The following DOCK2 variants were observed in gnomAD, a reference collection of about 807,000 sequenced individuals.
The protein encoded by DOCK2 is dedicator of cytokinesis protein 2.
In DOCK2, 87 loss-of-function variants were observed where a neutral mutation model predicts 248.9. The ratio of observed to expected loss-of-function variants is 0.35; its 90% confidence interval spans 0.29 to 0.42. The LOEUF (loss-of-function observed/expected upper bound fraction) is 0.42. Ranked by LOEUF, DOCK2 falls within the 10% of genes least tolerant of loss-of-function variation. The probability of loss-of-function intolerance (pLI) is 1.00; values close to 1 mark genes in which losing one functional copy is unlikely to be tolerated. For synonymous variants in DOCK2, 805 were observed against 821.6 expected, an observed-to-expected ratio of 0.98 and a Z score of 0.35; for missense variants, 1,747 against 2,300.2, an observed-to-expected ratio of 0.76 and a Z score of 4.92.
intron 27 of DOCK2, among the ~76,000 whole-genome samples, chr5:169,887,795 T>A (rs1773056554): frequency 6.6e-6 from 1 of 152,230 alleles, no homozygotes; most frequent in South Asian, 2.1e-4. Context: ...TCGTTGATAC[T>A]ACCATGTTAC....
At chr5:169,762,758 C>G (rs1045739672) in intron 25 of DOCK2, among the ~76,000 whole-genome samples, 6 of 152,142 alleles carry the variant, frequency 3.9e-5, no homozygotes, top group Non-Finnish European at 7.4e-5. Flanking sequence ...TTTCTCTATC[C>G]ACACTGGTGT....
intron 27 of DOCK2, 85 bp from the exon 28 acceptor site, chr5:169,982,983 G>A (rs1777980415): frequency 1.5e-6 from 2 of 1,299,418 alleles, no homozygotes; most frequent in South Asian, 1.2e-5. Context: ...ATTGATGAAT[G>A]AGCCATAAGG....
chr5:170,012,731 C>T lies in DOCK2; in HGVS notation c.3232+3985C>T, dbSNP rs145208070. 3.4e-4 allele frequency among the ~76,000 whole-genome samples: 52 copies of T among 152,268 alleles called. No individual in the cohort carries two copies. The East Asian group carries it at 8.9e-3, about 26-fold the overall frequency. On this transcript the variant is annotated intron_variant, in intron 32 of 51. Coordinates refer to ENST00000520908, the MANE Select transcript of DOCK2 (RefSeq NM_004946.3). Reference sequence around the variant, plus strand: ...TTTACTTTTCCCAGTAGTATAGCATCGTAACACTTGATTTCTGCTCGGCAT... The same window carrying T: ...TTTACTTTTCCCAGTAGTATAGCATTGTAACACTTGATTTCTGCTCGGCAT...
intron 36 of DOCK2, among the ~76,000 whole-genome samples, chr5:170,038,394 G>A (rs368125444): frequency 2.0e-5 from 3 of 152,302 alleles, no homozygotes; most frequent in South Asian, 2.1e-4. Context: ...TGCAAACAGG[G>A]TATAGTCTGA....
At chr5:169,870,607 T>A (rs1771898209) in intron 27 of DOCK2, among the ~76,000 whole-genome samples, 2 of 152,060 alleles carry the variant, frequency 1.3e-5, no homozygotes, top group Non-Finnish European at 2.9e-5. Context: ...TTTTTAAAAT[T>A]TTATTATTAT....
chr5:169,747,376 C>G lies in DOCK2; in HGVS notation c.2268-20C>G, dbSNP rs377297612. On this transcript the variant is annotated intron_variant, in intron 22 of 51. Transcript: ENST00000520908. ...ATTGTCTGTTAGCTTGAGAAATGAC[C>G]CAGATGTATCTTGTTTCAGGCTTTA... 6.3e-7 allele frequency: 1 copy of G among 1,598,776 alleles called. No homozygotes were observed. Among genetic ancestry groups the G allele is most frequent in the Non-Finnish European group, 8.5e-7 (1 of 1,171,604 alleles).
chr5:169,859,688 C>T (rs1387021936), intron 27 of DOCK2, among the ~76,000 whole-genome samples: 1 of 152,216 alleles, frequency 6.6e-6, no homozygotes, highest in African/African-American at 2.4e-5. Context: ...ACATTCCACC[C>T]ACCAACCACA....
intron 2 of DOCK2, among the ~76,000 whole-genome samples, chr5:169,664,234 G>T (rs1048208049): frequency 1.3e-5 from 2 of 152,180 alleles, no homozygotes; most frequent in African/African-American, 4.8e-5. Context: ...CTTTGCTCCA[G>T]TTCCTAAGAA....
chr5:169,808,588 C>CT (rs1483285900), intron 26 of DOCK2, among the ~76,000 whole-genome samples: 1 of 138,188 alleles, frequency 7.2e-6, no homozygotes, highest in Non-Finnish European at 1.6e-5. Flanking sequence ...AACTCCTTTT[C>CT]TCCCCCCTCA....
chr5:170,038,670 A>T (rs1756404100), intron 36 of DOCK2, among the ~76,000 whole-genome samples: 1 of 152,128 alleles, frequency 6.6e-6, no homozygotes, highest in Non-Finnish European at 1.5e-5. Context: ...ACCTCGCTCA[A>T]GCACCTGCCA....
At chr5:170,009,359 T>C (rs1357041686) in intron 32 of DOCK2, among the ~76,000 whole-genome samples, 2 of 152,154 alleles carry the variant, frequency 1.3e-5, no homozygotes, top group Non-Finnish European at 2.9e-5. Flanking sequence ...AAGACGGAAT[T>C]GTTCCCCCAT....
intron 1 of DOCK2, among the ~76,000 whole-genome samples, chr5:169,640,873 A>G (rs1757107264): frequency 6.6e-6 from 1 of 152,236 alleles, no homozygotes; most frequent in South Asian, 2.1e-4. Flanking sequence ...TGGAAGTGGC[A>G]TATTTTGATC....
intron 25 of DOCK2, among the ~76,000 whole-genome samples, chr5:169,784,745 G>A (rs1469486111): frequency 6.6e-6 from 1 of 152,164 alleles, no homozygotes; most frequent in Non-Finnish European, 1.5e-5. Context: ...TGTATTGATT[G>A]TTATGATATC....
At chr5:169,644,756 G>A (rs926794376) in intron 1 of DOCK2, among the ~76,000 whole-genome samples, 1 of 151,744 alleles carries the variant, frequency 6.6e-6, no homozygotes, top group Non-Finnish European at 1.5e-5. Context: ...AGCCCCATAT[G>A]CATTAGCTAT....
intron 17 of DOCK2, among the ~76,000 whole-genome samples, chr5:169,713,704 C>A (rs1340266345): frequency 1.3e-5 from 2 of 152,112 alleles, no homozygotes; most frequent in Non-Finnish European, 2.9e-5. Flanking sequence ...TGCTGGTGAG[C>A]AGATATTATG....
intron 25 of DOCK2, among the ~76,000 whole-genome samples, chr5:169,791,452 C>T (rs1766332571): frequency 6.6e-6 from 1 of 152,006 alleles, no homozygotes; most frequent in Admixed American, 6.6e-5. Flanking sequence ...CTTTTCAGTC[C>T]CCTGGGACTG....
rs1166903657 is a variant in DOCK2, at chr5:169,723,733, T to A, written c.2267+4942T>A. 3.9e-5 allele frequency among the ~76,000 whole-genome samples: 6 copies of A among 152,304 alleles called. No individual in the cohort carries two copies. The South Asian group carries it at 1.2e-3, about 32-fold the overall frequency. On this transcript the variant is annotated intron_variant, in intron 22 of 51. Coordinates refer to ENST00000520908, the MANE Select transcript of DOCK2 (RefSeq NM_004946.3). ...TCTCTTTCACTACCCTATTTAAAATTGCAACCCCTGTCCCGAGCACTGCTG... is the reference window on the plus strand; with the variant it reads ...TCTCTTTCACTACCCTATTTAAAATAGCAACCCCTGTCCCGAGCACTGCTG...
At chr5:169,907,424 T>C (rs923992444) in intron 27 of DOCK2, among the ~76,000 whole-genome samples, 5 of 152,236 alleles carry the variant, frequency 3.3e-5, no homozygotes, top group African/African-American at 1.2e-4. Flanking sequence ...AAGTGGCTGA[T>C]AATTGGGCTC....
chr5:169,936,951 G>A (rs1192008708), intron 27 of DOCK2, among the ~76,000 whole-genome samples: 1 of 152,116 alleles, frequency 6.6e-6, no homozygotes, highest in Admixed American at 6.5e-5. Flanking sequence ...CTCAATCCCA[G>A]ACTGGGTTTC....
Sources: allele counts gnomAD v4.1 joint callset (sites outside exome capture counted in the v4.1 genomes callset), GRCh38; gene constraint gnomAD v4.1.1; transcripts MANE v1.5; gene names NCBI Gene and HGNC (gene_info 2026-07-23, HGNC 2026-07-21).